The following IQSEC1 variants were observed in gnomAD, a reference collection of about 807,000 sequenced individuals.
The protein encoded by IQSEC1 is IQ motif and Sec7 domain ArfGEF 1.
IQSEC1 carries 31 observed loss-of-function variants against 91.0 expected under a neutral mutation model. The observed-to-expected ratio is 0.34, with a 90% CI of 0.26 to 0.46. The LOEUF (loss-of-function observed/expected upper bound fraction) is 0.46, where lower values mean the gene tolerates loss of function less well. Ranked by LOEUF, IQSEC1 falls within the 20% of genes least tolerant of loss-of-function variation. The pLI, the probability that IQSEC1 is intolerant of heterozygous loss-of-function variation, is 1.00. For missense variants in IQSEC1, 1,388 were observed against 1,575.6 expected (o/e 0.88, Z 2.02); for synonymous variants, 699 against 662.6 (o/e 1.05, Z -0.84).
chr3:12,987,308 C>T (rs762713882), intron 1 of IQSEC1, among the ~76,000 whole-genome samples: 25 of 152,202 alleles, frequency 1.6e-4, no homozygotes, highest in Admixed American at 1.3e-3. Flanking sequence ...TGCCTTGTAG[C>T]GAGAGGTATG....
At chr3:12,941,500 G>A in intron 2 of IQSEC1, 71 bp downstream of exon 2, 1 of 1,401,210 alleles carries the variant, frequency 7.1e-7, no homozygotes, top group Non-Finnish European at 9.6e-7. Flanking sequence ...ACCATGCCTG[G>A]TGGGGGCACA....
At chr3:13,043,058 C>T (rs1056148221) in intron 1 of IQSEC1, among the ~76,000 whole-genome samples, 13 of 152,144 alleles carry the variant, frequency 8.5e-5, no homozygotes, top group Non-Finnish European at 1.3e-4. Context: ...CAGCGCCTGC[C>T]GTTGCCTGGG....
At chr3:13,163,380 G>A (rs1408318866) in intron 2 of IQSEC1, among the ~76,000 whole-genome samples, 5 of 152,128 alleles carry the variant, frequency 3.3e-5, no homozygotes, top group Admixed American at 1.3e-4. Context: ...CTGGGGGTCC[G>A]TGGGCTCTTA....
chr3:13,204,683 G>A (rs901778035), intron 1 of IQSEC1, among the ~76,000 whole-genome samples: 1 of 152,176 alleles, frequency 6.6e-6, no homozygotes, highest in Admixed American at 6.5e-5. Context: ...GGGCGGCTCG[G>A]GTCCCTGTCC....
intron 6 of IQSEC1, among the ~76,000 whole-genome samples, chr3:12,919,473 G>A (rs1324006160): frequency 6.6e-6 from 1 of 152,208 alleles, no homozygotes; most frequent in Non-Finnish European, 1.5e-5. Context: ...CAGGGGAAGG[G>A]GAGGGCACCT....
chr3:12,933,004 A>T (rs1470135126), intron 3 of IQSEC1, among the ~76,000 whole-genome samples: 3 of 152,216 alleles, frequency 2.0e-5, no homozygotes, highest in Admixed American at 6.5e-5. Context: ...TTGGTACATG[A>T]TTCCCTTAAA....
At chr3:13,164,232 C>G (rs575322091) in intron 1 of IQSEC1, among the ~76,000 whole-genome samples, 19 of 152,182 alleles carry the variant, frequency 1.2e-4, no homozygotes, top group Admixed American at 2.6e-4. Context: ...CCCAGCTGCT[C>G]CCAGCATCCC....
intron 1 of IQSEC1, among the ~76,000 whole-genome samples, chr3:13,220,963 C>T (rs1381221185): frequency 7.2e-5 from 11 of 152,240 alleles, no homozygotes; most frequent in Admixed American, 7.2e-4. Flanking sequence ...GCTTCAAGAG[C>T]TGCTGGCCTC....
chr3:13,210,089 G>A (rs565267217), intron 1 of IQSEC1, among the ~76,000 whole-genome samples: 3 of 152,142 alleles, frequency 2.0e-5, no homozygotes, highest in African/African-American at 4.8e-5. Context: ...TCTGAGTCCC[G>A]GTTCTCAGCC....
chr3:13,263,529 A>C (rs1559289006), intron 1 of IQSEC1, among the ~76,000 whole-genome samples: 1 of 148,142 alleles, frequency 6.8e-6, no homozygotes, highest in Non-Finnish European at 1.5e-5. Context: ...TGCAACCTCC[A>C]CCTCCTGGGT....
chr3:12,903,037 G>C (rs1184698362), intron 12 of IQSEC1, among the ~76,000 whole-genome samples: 1 of 152,070 alleles, frequency 6.6e-6, no homozygotes, highest in African/African-American at 2.4e-5. Context: ...TAAAAATAAA[G>C]TTTTCGAAAA....
chr3:12,976,324 T>A (rs1047364567), intron 1 of IQSEC1, among the ~76,000 whole-genome samples: 12 of 152,206 alleles, frequency 7.9e-5, no homozygotes, highest in African/African-American at 2.9e-4. Context: ...CAAGCCCAGG[T>A]GGGGTCACAG....
intron 2 of IQSEC1, among the ~76,000 whole-genome samples, chr3:13,120,722 G>A (rs1706410435): frequency 2.0e-5 from 3 of 152,196 alleles, no homozygotes; most frequent in African/African-American, 4.8e-5. Context: ...GAGGCAGGAC[G>A]CCAGGCCTGC....
Position 12,909,257 on chromosome 3 carries a change from G to A in IQSEC1, c.2578+16C>T, listed in dbSNP as rs1159796040. 5.6e-6 allele frequency: 9 copies of A among 1,612,424 alleles called. No individual in the cohort carries two copies. In the Admixed American group the frequency reaches 1.2e-4, roughly 21 times the overall value. On this transcript the variant is annotated intron_variant, in intron 11 of 13. Transcript: ENST00000613206. This position sits in a 1 kb window ranked among gnomAD's most constrained non-coding sequence, Gnocchi z 4.9. ...TGGCAAGTCTCGGCCTTCTGTCCAT[G>A]AGGCCTGGTACTCACACTCTATCCT...
intron 1 of IQSEC1, among the ~76,000 whole-genome samples, chr3:12,954,046 C>T (rs1452062961): frequency 2.0e-5 from 3 of 152,230 alleles, no homozygotes; most frequent in Non-Finnish European, 2.9e-5. Context: ...GAAAGGTCTC[C>T]GTGTCCTGTG....
intron 2 of IQSEC1, among the ~76,000 whole-genome samples, chr3:13,129,053 A>T (rs1576263173): frequency 6.6e-6 from 1 of 152,128 alleles, no homozygotes; most frequent in Admixed American, 6.6e-5. Flanking sequence ...TTTGTGTAGA[A>T]TTGGTATTAT....
intron 1 of IQSEC1, among the ~76,000 whole-genome samples, chr3:12,985,085 A>T (rs1274161785): frequency 2.0e-5 from 3 of 152,178 alleles, no homozygotes; most frequent in Non-Finnish European, 2.9e-5. Context: ...CGGCCTCCCA[A>T]AGTGCTGGGA....
chr3:13,131,037 A>AAGGAAGG (rs144089637), intron 2 of IQSEC1, among the ~76,000 whole-genome samples: 2 of 143,792 alleles, frequency 1.4e-5, no homozygotes, highest in South Asian at 2.3e-4. Flanking sequence ...GGAAGGAAGG[A>AAGGAAGG]AAGGAAGGAA....
At chr3:13,023,046 G>T (rs142784776) in intron 1 of IQSEC1, among the ~76,000 whole-genome samples, 289 of 152,344 alleles carry the variant, frequency 1.9e-3, no homozygotes, top group Non-Finnish European at 3.5e-3. Flanking sequence ...TATGATTAGT[G>T]TTGGTTTACA....
Sources: gnomAD v4.1 joint callset for allele counts (sites outside exome capture counted in the v4.1 genomes callset) on GRCh38, gnomAD v4.1.1 for gene constraint, Gnocchi (gnomAD v3.1) non-coding constraint, MANE v1.5 for transcripts, NCBI Gene and HGNC (gene_info 2026-07-23, HGNC 2026-07-21) for gene names.